The following SH3KBP1 variants were observed in gnomAD, a reference collection of about 807,000 sequenced individuals.
The protein encoded by SH3KBP1 is SH3 domain containing kinase binding protein 1, also known as SH3 domain-containing kinase-binding protein 1.
In SH3KBP1, 8 loss-of-function variants were observed where a neutral mutation model predicts 50.1. The ratio of observed to expected loss-of-function variants is 0.16; its 90% CI spans 0.09 to 0.29. The LOEUF (loss-of-function observed/expected upper bound fraction) is 0.29, where lower values mean the gene tolerates loss of function less well. Ranked by LOEUF, SH3KBP1 falls within the 10% of genes least tolerant of loss-of-function variation. The probability of loss-of-function intolerance (pLI) is 1.00; values close to 1 mark genes in which losing one functional copy is unlikely to be tolerated. For missense variants in SH3KBP1, 377 were observed against 535.2 expected, an observed-to-expected ratio of 0.70 and a Z score of 2.92; for synonymous variants, 227 against 218.6, an observed-to-expected ratio of 1.04 and a Z score of -0.34.
At chrX:19,722,587 T>C (rs1335843263) in intron 3 of SH3KBP1, among the ~76,000 whole-genome samples, 1 of 105,812 alleles carries the variant, frequency 9.5e-6, no homozygotes, top group African/African-American at 3.5e-5. Context: ...TGTGTGTGTG[T>C]GTGTGTGTGT....
chrX:19,685,195 A>G (rs753714073), intron 5 of SH3KBP1, among the ~76,000 whole-genome samples: 2 of 112,267 alleles, frequency 1.8e-5, no homozygotes, highest in East Asian at 5.6e-4. Context: ...TTATCTTCCT[A>G]CAGGTAAGGT....
intron 8 of SH3KBP1, among the ~76,000 whole-genome samples, chrX:19,630,309 C>A (rs2148273883): frequency 8.9e-6 from 1 of 112,062 alleles, no homozygotes; most frequent in Non-Finnish European, 1.9e-5. Flanking sequence ...CTAGCCCTTT[C>A]CCAGTATTTC....
At chrX:19,627,502 A>C (rs2068057678) in intron 8 of SH3KBP1, among the ~76,000 whole-genome samples, 1 of 112,664 alleles carries the variant, frequency 8.9e-6, no homozygotes, top group Non-Finnish European at 1.9e-5. Context: ...GACTGGAAAT[A>C]AAAGCTAAAC....
intron 1 of SH3KBP1, among the ~76,000 whole-genome samples, chrX:19,850,673 A>C (rs1364906336): frequency 1.8e-5 from 2 of 110,973 alleles, no homozygotes; most frequent in Non-Finnish European, 3.8e-5. Context: ...TAGCAGAGTA[A>C]TTATCTGTAA....
intron 3 of SH3KBP1, among the ~76,000 whole-genome samples, chrX:19,718,725 G>A (rs1384753053): frequency 1.8e-5 from 2 of 111,868 alleles, no homozygotes; most frequent in African/African-American, 6.5e-5. Flanking sequence ...GGGGCTGAAT[G>A]ACAAGGGGCC....
At chrX:19,625,587 G>A (rs944249444) in intron 8 of SH3KBP1, among the ~76,000 whole-genome samples, 2 of 112,025 alleles carry the variant, frequency 1.8e-5, no homozygotes, top group African/African-American at 6.5e-5. Flanking sequence ...CCACCACAGT[G>A]ATGTCCTGAC....
chrX:19,836,605 C>T (rs773931233), intron 1 of SH3KBP1, among the ~76,000 whole-genome samples: 12 of 111,728 alleles, frequency 1.1e-4, no homozygotes, highest in Non-Finnish European at 1.9e-4. Context: ...ATTGTCTCCC[C>T]GAGCTCAGAG....
intron 3 of SH3KBP1, among the ~76,000 whole-genome samples, chrX:19,707,363 T>C (rs1372390971): frequency 8.9e-6 from 1 of 112,092 alleles, no homozygotes; most frequent in African/African-American, 3.2e-5. Context: ...GAAAAAAGAA[T>C]GGTCTGCTTC....
intron 6 of SH3KBP1, among the ~76,000 whole-genome samples, chrX:19,652,332 C>T (rs1319899207): frequency 9.0e-6 from 1 of 111,580 alleles, no homozygotes; most frequent in African/African-American, 3.3e-5. Context: ...AGAATCTAAT[C>T]TCAGCTATGT....
chrX:19,753,800 T>A (rs1159587804), intron 2 of SH3KBP1, among the ~76,000 whole-genome samples: 1 of 111,950 alleles, frequency 8.9e-6, no homozygotes, highest in Non-Finnish European at 1.9e-5. Context: ...AAAAAAAACA[T>A]AAAGTAAATA....
chrX:19,567,430 G>A (rs2065873996), intron 13 of SH3KBP1, among the ~76,000 whole-genome samples: 1 of 96,559 alleles, frequency 1.0e-5, no homozygotes, highest in South Asian at 5.4e-4. Flanking sequence ...GGGGTGGGAG[G>A]ATCGCTTGAA....
chrX:19,754,641 G>A, intron 2 of SH3KBP1, among the ~76,000 whole-genome samples: 1 of 111,463 alleles, frequency 9.0e-6, no homozygotes, highest in South Asian at 3.8e-4. Flanking sequence ...GCTAATTTTT[G>A]TATTTTTAGT....
chrX:19,598,763 C>T (rs1024759765), intron 9 of SH3KBP1, among the ~76,000 whole-genome samples: 1 of 111,103 alleles, frequency 9.0e-6, no homozygotes, highest in African/African-American at 3.3e-5. Flanking sequence ...ATTAAGTTTG[C>T]CATCTTATAT....
At chrX:19,865,447 T>C (rs192952734) in intron 1 of SH3KBP1, among the ~76,000 whole-genome samples, 1 of 111,970 alleles carries the variant, frequency 8.9e-6, no homozygotes, top group East Asian at 2.8e-4. Flanking sequence ...AGGGGAGCCA[T>C]GTGAAGGTCA....
At chrX:19,685,924 A>G (rs1957303058) in intron 5 of SH3KBP1, among the ~76,000 whole-genome samples, 1 of 111,788 alleles carries the variant, frequency 8.9e-6, no homozygotes, top group Non-Finnish European at 1.9e-5. Flanking sequence ...TTTTTCAAAG[A>G]GAAGAATTTC....
At chrX:19,602,575 T>C (rs934449755) in intron 9 of SH3KBP1, among the ~76,000 whole-genome samples, 3 of 112,332 alleles carry the variant, frequency 2.7e-5, no homozygotes, top group African/African-American at 9.7e-5. Context: ...TTAGGTAAAT[T>C]TTTTTCATAA....
At chrX:19,614,065 C>T (rs1403362300) in intron 8 of SH3KBP1, among the ~76,000 whole-genome samples, 1 of 113,066 alleles carries the variant, frequency 8.8e-6, no homozygotes, top group Non-Finnish European at 1.9e-5. Context: ...GCGCCATCCT[C>T]GAGTGCCAAG....
chrX:19,670,101 T>C (rs2062747900), intron 6 of SH3KBP1, among the ~76,000 whole-genome samples: 1 of 111,303 alleles, frequency 9.0e-6, no homozygotes, highest in South Asian at 3.8e-4. Context: ...GACAGACTTC[T>C]GCTTTTAGGT....
At chrX:19,820,484 G>A (rs886473330) in intron 2 of SH3KBP1, among the ~76,000 whole-genome samples, 1 of 110,907 alleles carries the variant, frequency 9.0e-6, no homozygotes, top group Admixed American at 9.6e-5. Flanking sequence ...AATTTTCTTT[G>A]CTCTCTGGTC....
Sources: gnomAD v4.1 joint callset for allele counts (sites outside exome capture counted in the v4.1 genomes callset) on GRCh38, gnomAD v4.1.1 for gene constraint, MANE v1.5 for transcripts, NCBI Gene and HGNC (gene_info 2026-07-23, HGNC 2026-07-21) for gene names.